The following STX2 variants were observed in gnomAD, a reference collection of about 807,000 sequenced individuals.
STX2 encodes the protein syntaxin-2.
In STX2, 27 loss-of-function variants were observed where a neutral mutation model predicts 40.6. That is an observed-to-expected ratio of 0.66 (90% confidence interval 0.49 to 0.92). The LOEUF (loss-of-function observed/expected upper bound fraction) is 0.92, where lower values mean the gene tolerates loss of function less well. STX2 is among the 40% of genes least tolerant of loss of function. STX2 has a pLI of 0.00. For missense variants in STX2, 328 were observed against 366.1 expected (o/e 0.90, Z 0.85); for synonymous variants, 123 against 119.1 (o/e 1.03, Z -0.22).
chr12:130,793,166 C>A (rs1250998849), intron 10 of STX2, among the ~76,000 whole-genome samples: 2 of 152,182 alleles, frequency 1.3e-5, no homozygotes, highest in Non-Finnish European at 2.9e-5. Flanking sequence ...AGGCGCATGG[C>A]AGGCCCCGGT....
intron 8 of STX2, among the ~76,000 whole-genome samples, chr12:130,800,452 T>G (rs1260174633): frequency 6.6e-6 from 1 of 152,104 alleles, no homozygotes; most frequent in Non-Finnish European, 1.5e-5. Flanking sequence ...TATTAAGAAT[T>G]GCATTAACTC....
intron 1 of STX2, among the ~76,000 whole-genome samples, chr12:130,833,838 A>G (rs1472543300): frequency 6.6e-6 from 1 of 152,186 alleles, no homozygotes; most frequent in Non-Finnish European, 1.5e-5. Flanking sequence ...GGCATTTTCA[A>G]ATGGAAACAG....
rs1349896977 is a variant in STX2, at chr12:130,790,029, A to C, written c.*1994T>G. ...ACGGGAGGCAGGTCCCCCTGTGGAC[A>C]TGATTCCACAGAGGCGTGGAGTCCT... On this transcript the variant is annotated 3_prime_UTR_variant, in exon 11 of 11. Transcript: ENST00000392373. 6.6e-6 allele frequency: 1 copy of C among 152,256 alleles called. No homozygotes were observed. The highest frequency in any genetic ancestry group is 2.4e-5 in the African/African-American group (1 of 41,456). 9.4% of individuals were successfully genotyped at this position (152,256 alleles called of 1,614,324 possible). A position where few individuals can be genotyped will look rare whatever the true frequency, so the allele number is the denominator to read the frequency against.
At chr12:130,801,032 C>G (rs757562008) in intron 8 of STX2, 121 bp downstream of exon 8, 56 of 1,178,812 alleles carry the variant, frequency 4.8e-5, no homozygotes, top group Non-Finnish European at 6.5e-5. Context: ...TGCAATTAAC[C>G]TGAATTTGGT....
chr12:130,791,852 C>G lies in STX2; in HGVS notation c.*171G>C, dbSNP rs980930713. The G allele has an allele frequency of 1.3e-6, 2 of 1,503,988 alleles. No homozygotes were observed. Among genetic ancestry groups the G allele is most frequent in the Non-Finnish European group, 9.2e-7 (1 of 1,084,680 alleles). 93.2% of individuals were successfully genotyped at this position (1,503,988 alleles called of 1,614,324 possible). Reference sequence around the variant, plus strand: ...AAATGACAGGATGCTGATTTGGTTGCAGATGTGGTCTGAGTCTCAAGGATA... The same window carrying G: ...AAATGACAGGATGCTGATTTGGTTGGAGATGTGGTCTGAGTCTCAAGGATA... On this transcript the variant is annotated 3_prime_UTR_variant, in exon 11 of 11. Coordinates refer to ENST00000392373, the MANE Select transcript of STX2 (RefSeq NM_194356.4).
chr12:130,839,214 C>T lies in STX2; in HGVS notation c.-115G>A. On this transcript the variant is annotated 5_prime_UTR_variant, in exon 1 of 11. Transcript: ENST00000392373. ...CCCCGCGGTCCCGGCCCGGCGCCAGCAGCCCTCCCTGGAGCCGGCGCTGCC... is the reference window on the plus strand; with the variant it reads ...CCCCGCGGTCCCGGCCCGGCGCCAGTAGCCCTCCCTGGAGCCGGCGCTGCC... 1.1e-6 allele frequency: 1 copy of T among 950,452 alleles called. No individual in the cohort carries two copies. The highest frequency in any genetic ancestry group is 1.8e-5 in the African/African-American group (1 of 56,914). 58.9% of individuals were successfully genotyped at this position (950,452 alleles called of 1,614,324 possible).
chr12:130,799,638 T>C (rs1951148837), intron 8 of STX2, among the ~76,000 whole-genome samples: 1 of 152,032 alleles, frequency 6.6e-6, no homozygotes, highest in South Asian at 2.1e-4. Context: ...GTTGGTTTCC[T>C]CTAGCAAATG....
At chr12:130,825,819 C>T (rs1243134595) in intron 2 of STX2, among the ~76,000 whole-genome samples, 1 of 152,116 alleles carries the variant, frequency 6.6e-6, no homozygotes, top group East Asian at 1.9e-4. Context: ...ATAATCAAGA[C>T]GAGTCCTGCA....
At chr12:130,815,334 C>T (rs1056210560) in intron 3 of STX2, among the ~76,000 whole-genome samples, 11 of 152,174 alleles carry the variant, frequency 7.2e-5, no homozygotes, top group Non-Finnish European at 1.6e-4. Flanking sequence ...CAGCACCACA[C>T]AACAAAGAAC....
chr12:130,828,628 A>G (rs1318251456), intron 1 of STX2, among the ~76,000 whole-genome samples: 1 of 151,652 alleles, frequency 6.6e-6, no homozygotes, highest in Admixed American at 6.6e-5. Context: ...GAACTTTGGG[A>G]GGCCGAGGCG....
intron 1 of STX2, among the ~76,000 whole-genome samples, chr12:130,832,105 C>G (rs182644858): frequency 1.3e-5 from 2 of 152,092 alleles, no homozygotes; most frequent in Non-Finnish European, 2.9e-5. Context: ...CCTTGGTCTC[C>G]CCACGTGCTG....
chr12:130,821,641 G>T (rs748697909), intron 3 of STX2, 48 bp downstream of exon 3: 1 of 1,463,708 alleles, frequency 6.8e-7, no homozygotes, highest in South Asian at 1.1e-5. Context: ...GACAGCCAGA[G>T]GGACACACAG....
chr12:130,801,334 T>C, intron 7 of STX2, 44 bp from the exon 8 acceptor site: 1 of 1,600,140 alleles, frequency 6.2e-7, no homozygotes, highest in South Asian at 1.1e-5. Flanking sequence ...AAACTTATGA[T>C]GGGTTTGGAA....
intron 2 of STX2, among the ~76,000 whole-genome samples, chr12:130,825,927 A>G (rs1952285257): frequency 6.6e-6 from 1 of 152,224 alleles, no homozygotes; most frequent in Admixed American, 6.5e-5. Context: ...AATTTCAAAA[A>G]TTTGAAATTA....
At position 130,801,306 on chromosome 12, in the gene STX2, A is replaced by C. The variant is rs1951217182; in HGVS notation, c.538-16T>G. On this transcript the variant is annotated splice_polypyrimidine_tract_variant and intron_variant, in intron 7 of 10. Transcript: ENST00000392373. ...CTGATATAATCTTGGAAAAACAAAAATAAAAGATAATATTAATAAACTTAT... is the reference window on the plus strand; with the variant it reads ...CTGATATAATCTTGGAAAAACAAAACTAAAAGATAATATTAATAAACTTAT... 6.2e-7 allele frequency: 1 copy of C among 1,604,794 alleles called. No homozygotes were observed. The highest frequency in any genetic ancestry group is 8.5e-7 in the Non-Finnish European group (1 of 1,174,164).
At chr12:130,801,042 T>A in intron 8 of STX2, 111 bp downstream of exon 8, 1 of 1,273,346 alleles carries the variant, frequency 7.9e-7, no homozygotes, top group Non-Finnish European at 1.1e-6. Context: ...CTGAATTTGG[T>A]GGATCCAAAA....
intron 10 of STX2, among the ~76,000 whole-genome samples, chr12:130,793,395 C>T (rs79620468): frequency 0.029 from 4,408 of 152,260 alleles, 103 homozygotes; most frequent in Non-Finnish European, 0.042. Context: ...GAGGGAGGCG[C>T]GCGCCCTCCC....
At chr12:130,804,665 C>T (rs936556104) in intron 6 of STX2, among the ~76,000 whole-genome samples, 6 of 152,148 alleles carry the variant, frequency 3.9e-5, no homozygotes, top group African/African-American at 1.4e-4. Flanking sequence ...TTGTTAGCCT[C>T]TTTCTTTGGC....
rs563253250 is a variant in STX2 at position 130,813,756 on chromosome 12, C to A, written c.206-725G>T. 2.0e-5 allele frequency among the ~76,000 whole-genome samples: 3 copies of A among 150,636 alleles called. No homozygotes were observed. In the Admixed American group the frequency reaches 2.0e-4, roughly 10 times the overall value. The stretch of plus-strand genomic sequence containing the variant: ...GGCAGGATGTCTGCTCCATGCCGCA[C>A]ACTCACATTTGCCAGTCCAGTGGCT... On this transcript the variant is annotated intron_variant, in intron 3 of 10. Transcript: ENST00000392373.
Sources: allele counts gnomAD v4.1 joint callset (sites outside exome capture counted in the v4.1 genomes callset), GRCh38; gene constraint gnomAD v4.1.1; transcripts MANE v1.5; gene names NCBI Gene and HGNC (gene_info 2026-07-23, HGNC 2026-07-21).